Variants in KDM4C observed in about 807,000 individuals in gnomAD.
The protein encoded by KDM4C is lysine-specific demethylase 4C.
In KDM4C, 81 loss-of-function variants were observed where a neutral mutation model predicts 129.3. The observed-to-expected ratio is 0.63, with a 90% confidence interval of 0.52 to 0.75. The LOEUF is 0.75. Ranked by LOEUF, KDM4C falls within the 30% of genes least tolerant of loss-of-function variation. The probability of loss-of-function intolerance (pLI) is 0.00; values close to 1 mark genes in which losing one functional copy is unlikely to be tolerated. For synonymous variants in KDM4C, 573 were observed against 456.1 expected (o/e 1.26, Z -3.26); for missense variants, 1,457 against 1,304.0 (o/e 1.12, Z -1.81).
intron 1 of KDM4C, among the ~76,000 whole-genome samples, chr9:6,759,742 C>T (rs1306727655): frequency 6.6e-6 from 1 of 151,894 alleles, no homozygotes; most frequent in Non-Finnish European, 1.5e-5. Flanking sequence ...CACCTGAGGT[C>T]AGGAGTTCAA....
chr9:7,047,677 G>C (rs749177148), intron 16 of KDM4C, among the ~76,000 whole-genome samples: 22 of 151,958 alleles, frequency 1.4e-4, no homozygotes, highest in Non-Finnish European at 2.5e-4. Context: ...TTGGACCCAG[G>C]CACCATTTTA....
At chr9:7,061,441 G>C (rs918183838) in intron 17 of KDM4C, among the ~76,000 whole-genome samples, 2 of 152,180 alleles carry the variant, frequency 1.3e-5, no homozygotes, top group Non-Finnish European at 2.9e-5. Flanking sequence ...GATAATCCTT[G>C]GTTGCTTGCC....
At chr9:7,158,344 G>A (rs543629203) in intron 19 of KDM4C, among the ~76,000 whole-genome samples, 1 of 149,944 alleles carries the variant, frequency 6.7e-6, no homozygotes. Flanking sequence ...AGGGTTTTTT[G>A]TGTCTCTATC....
intron 8 of KDM4C, among the ~76,000 whole-genome samples, chr9:6,919,533 GT>G: frequency 1.7e-5 from 1 of 58,700 alleles, no homozygotes; most frequent in East Asian, 5.6e-4. Flanking sequence ...AATTTCATCT[GT>G]CTGTCTGTCT....
chr9:6,960,300 T>TTTA (rs397728314), intron 8 of KDM4C, among the ~76,000 whole-genome samples: 1 of 150,704 alleles, frequency 6.6e-6, no homozygotes, highest in Admixed American at 6.6e-5. Context: ...TTTTTTTTTT[T>TTTA]AAATACAGGG....
rs576665753 is a variant in KDM4C, at chr9:7,105,613, T to A, written c.2610+1743T>A. 5.2e-4 allele frequency: 197 copies of A among 376,568 alleles called. 1 individual carries two copies. The highest frequency in any genetic ancestry group is 3.9e-3 in the South Asian group (193 of 49,990). The allele number at this position is 376,568 out of a possible 1,614,324, so 23.3% of individuals were successfully genotyped here. A position where few individuals can be genotyped will look rare whatever the true frequency, so the allele number is the denominator to read the frequency against. ...GGCAGGTGCTGGAATGTAAATGCCT[T>A]TTTAGCTCATACTCTATTATTTGGT... On this transcript the variant is annotated intron_variant, in intron 18 of 21. Transcript: ENST00000381309.
intron 3 of KDM4C, among the ~76,000 whole-genome samples, chr9:6,811,395 G>A (rs897607260): frequency 4.2e-4 from 64 of 151,992 alleles, no homozygotes; most frequent in Non-Finnish European, 2.4e-4. Context: ...CCTCTGATCC[G>A]CCCACCTCGG....
chr9:6,900,698 A>C (rs886502847), intron 8 of KDM4C, among the ~76,000 whole-genome samples: 1 of 152,204 alleles, frequency 6.6e-6, no homozygotes, highest in Non-Finnish European at 1.5e-5. Flanking sequence ...ATAAACCTAC[A>C]TGTGAATTCC....
At chr9:7,151,699 A>C (rs1842745359) in intron 19 of KDM4C, among the ~76,000 whole-genome samples, 1 of 152,146 alleles carries the variant, frequency 6.6e-6, no homozygotes, top group Non-Finnish European at 1.5e-5. Context: ...AAAAAGGGAA[A>C]GTGGACAGTA....
At chr9:6,858,754 A>G (rs1366387309) in intron 5 of KDM4C, among the ~76,000 whole-genome samples, 1 of 150,906 alleles carries the variant, frequency 6.6e-6, no homozygotes, top group African/African-American at 2.5e-5. Context: ...CCTGGGTGAC[A>G]GAGTGATTTT....
upstream of KDM4C, chr9:6,757,880 TG>T: frequency 1.0e-6 from 1 of 985,538 alleles, no homozygotes; most frequent in Non-Finnish European, 1.2e-6. Flanking sequence ...AGCAAGAGCG[TG>T]CCGGGCACCT....
At chr9:7,001,243 T>G (rs1820668495) in intron 12 of KDM4C, among the ~76,000 whole-genome samples, 1 of 152,258 alleles carries the variant, frequency 6.6e-6, no homozygotes, top group East Asian at 1.9e-4. Context: ...TGTTCTTTGT[T>G]TTGTTTTACA....
intron 21 of KDM4C, chr9:7,170,505 T>G (rs1015788266): frequency 1.1e-5 from 11 of 977,998 alleles, no homozygotes; most frequent in Non-Finnish European, 1.3e-5. Context: ...TGAACAAACA[T>G]GGACAAATAT....
chr9:6,879,232 ATCCTCATTAAATT>A (rs531695860), intron 5 of KDM4C, among the ~76,000 whole-genome samples: 1 of 152,330 alleles, frequency 6.6e-6, no homozygotes, highest in South Asian at 2.1e-4. Flanking sequence ...TATTGTTAAT[ATCCTCATTAAATT>A]TCCTCATTAA....
chr9:6,876,541 A>T (rs993985109), intron 5 of KDM4C, among the ~76,000 whole-genome samples: 35 of 152,186 alleles, frequency 2.3e-4, no homozygotes, highest in African/African-American at 8.2e-4. Context: ...ATGAAAATAT[A>T]TGCACCTTGC....
intron 8 of KDM4C, among the ~76,000 whole-genome samples, chr9:6,935,409 A>G (rs892043448): frequency 2.6e-5 from 4 of 151,608 alleles, no homozygotes; most frequent in African/African-American, 9.7e-5. Flanking sequence ...ATGATTTTTC[A>G]TGTGTATTTT....
chr9:6,919,090 A>T (rs771397081), intron 8 of KDM4C, among the ~76,000 whole-genome samples: 10 of 152,106 alleles, frequency 6.6e-5, no homozygotes, highest in Non-Finnish European at 1.5e-4. Context: ...TGACCTTGTG[A>T]TCCACCTGCC....
At chr9:7,133,060 G>T (rs923368474) in intron 19 of KDM4C, among the ~76,000 whole-genome samples, 1 of 152,154 alleles carries the variant, frequency 6.6e-6, no homozygotes, top group African/African-American at 2.4e-5. Flanking sequence ...TGAGGTTCTT[G>T]CAGCCAATGT....
intron 8 of KDM4C, among the ~76,000 whole-genome samples, chr9:6,934,511 A>G (rs113815321): frequency 6.7e-6 from 1 of 150,078 alleles, no homozygotes; most frequent in African/African-American, 2.4e-5. Context: ...TTTATCTAAA[A>G]TTAAATACCA....
Sources: allele counts gnomAD v4.1 joint callset (sites outside exome capture counted in the v4.1 genomes callset), GRCh38; gene constraint gnomAD v4.1.1; transcripts MANE v1.5; gene names NCBI Gene and HGNC (gene_info 2026-07-23, HGNC 2026-07-21).